Variants in FER observed in about 807,000 individuals in gnomAD.
FER encodes the protein tyrosine-protein kinase Fer.
Under a neutral mutation model 111.0 loss-of-function variants are expected in FER, and 63 were observed. The ratio of observed to expected loss-of-function variants is 0.57; its 90% CI spans 0.46 to 0.70. The LOEUF (loss-of-function observed/expected upper bound fraction) is 0.70. Among genes scored for constraint, FER ranks in the 30% least tolerant of loss-of-function variants. The pLI is 0.00. For synonymous variants in FER, 327 were observed against 313.9 expected, an observed-to-expected ratio of 1.04 and a Z score of -0.44; for missense variants, 914 against 954.0, an observed-to-expected ratio of 0.96 and a Z score of 0.55.
At chr5:109,027,937 A>T (rs1470296794) in intron 13 of FER, among the ~76,000 whole-genome samples, 2 of 152,170 alleles carry the variant, frequency 1.3e-5, no homozygotes, top group Non-Finnish European at 2.9e-5. Context: ...AAGATGTGGG[A>T]TTTACATAGT....
intron 16 of FER, among the ~76,000 whole-genome samples, chr5:109,098,897 G>T (rs958436669): frequency 2.6e-5 from 4 of 151,570 alleles, no homozygotes; most frequent in Admixed American, 6.6e-5. Context: ...AAGAGAAAAG[G>T]TTAGAAAAGA....
At chr5:108,971,107 AATGTTC>A (rs1485296791) in intron 13 of FER, among the ~76,000 whole-genome samples, 3 of 151,920 alleles carry the variant, frequency 2.0e-5, no homozygotes, top group Admixed American at 6.6e-5. Flanking sequence ...GAAAAAAATC[AATGTTC>A]ATTTTACCAT....
At chr5:108,914,069 T>C (rs1217820056) in intron 10 of FER, among the ~76,000 whole-genome samples, 11 of 152,210 alleles carry the variant, frequency 7.2e-5, no homozygotes, top group Non-Finnish European at 1.5e-4. Flanking sequence ...TTGATCTGTG[T>C]TCTGGTTACA....
chr5:108,763,928 A>G (rs1458226457), intron 1 of FER, among the ~76,000 whole-genome samples: 1 of 152,172 alleles, frequency 6.6e-6, no homozygotes, highest in Non-Finnish European at 1.5e-5. Flanking sequence ...ATCATCTTTC[A>G]GTTTAGCAAC....
intron 10 of FER, among the ~76,000 whole-genome samples, chr5:108,909,052 T>G (rs768284295): frequency 4.6e-5 from 7 of 152,180 alleles, no homozygotes; most frequent in Non-Finnish European, 7.4e-5. Flanking sequence ...AAAACAATTA[T>G]GTTTGAAGAT....
chr5:108,845,033 T>A, intron 5 of FER, among the ~76,000 whole-genome samples: 1 of 54,482 alleles, frequency 1.8e-5, no homozygotes, highest in Admixed American at 2.4e-4. Context: ...TATATATATA[T>A]ATATATACAT....
In FER at chr5:109,187,714, A is replaced by G. The variant is rs1759038188; in HGVS notation, c.*139A>G. The G allele has an allele frequency of 9.1e-7, 1 of 1,101,578 alleles. No homozygotes were observed. Among genetic ancestry groups the G allele is most frequent in the South Asian group, 1.5e-5 (1 of 64,712 alleles). The allele number at this position is 1,101,578 out of a possible 1,614,324, so 68.2% of individuals were successfully genotyped here. A position where few individuals can be genotyped will look rare whatever the true frequency, so the allele number is the denominator to read the frequency against. Reference sequence around the variant, plus strand: ...TATTTTTTATTAACTGGGTGTTTTAAAAGTACGTTCCACTTGTAAAAAGTC... The same window carrying G: ...TATTTTTTATTAACTGGGTGTTTTAGAAGTACGTTCCACTTGTAAAAAGTC... On this transcript the variant is annotated 3_prime_UTR_variant, in exon 20 of 20. Transcript: ENST00000281092.
At chr5:109,098,395 A>G (rs1331691150) in intron 16 of FER, among the ~76,000 whole-genome samples, 1 of 151,786 alleles carries the variant, frequency 6.6e-6, no homozygotes, top group Non-Finnish European at 1.5e-5. Flanking sequence ...AAAAAGTATC[A>G]GGATTCTACA....
chr5:108,760,182 G>C (rs1341734306), intron 1 of FER, among the ~76,000 whole-genome samples: 1 of 145,172 alleles, frequency 6.9e-6, no homozygotes, highest in African/African-American at 2.6e-5. Context: ...TTTCTGAGCA[G>C]TAGGTCTGAA....
At chr5:108,821,717 ATTATT>A (rs1758863944) in intron 3 of FER, among the ~76,000 whole-genome samples, 1 of 151,508 alleles carries the variant, frequency 6.6e-6, no homozygotes, top group African/African-American at 2.4e-5. Flanking sequence ...CTATAATATA[ATTATT>A]TTATTTTTTA....
intron 17 of FER, among the ~76,000 whole-genome samples, chr5:109,107,121 C>T (rs1165754479): frequency 6.6e-6 from 1 of 152,120 alleles, no homozygotes; most frequent in Non-Finnish European, 1.5e-5. Flanking sequence ...CTGTGTTACA[C>T]AGATAAGATA....
At chr5:108,956,460 A>C (rs1188926750) in intron 12 of FER, among the ~76,000 whole-genome samples, 5 of 151,652 alleles carry the variant, frequency 3.3e-5, no homozygotes, top group Non-Finnish European at 1.5e-5. Flanking sequence ...ATAAGTATTT[A>C]AATTAGCGTT....
chr5:108,899,517 G>A (rs907049180), intron 10 of FER, among the ~76,000 whole-genome samples: 1 of 152,054 alleles, frequency 6.6e-6, no homozygotes, highest in African/African-American at 2.4e-5. Context: ...TTAAAGGCTT[G>A]GCTGGGCGCG....
intron 3 of FER, among the ~76,000 whole-genome samples, chr5:108,821,512 A>ACACAAATATGGTAGTGGTAGT (rs1482033386): frequency 3.3e-5 from 5 of 152,166 alleles, no homozygotes; most frequent in African/African-American, 1.2e-4. Flanking sequence ...CCCAAGGCTG[A>ACACAAATATGGTAGTGGTAGT]CACAAATATG....
intron 13 of FER, among the ~76,000 whole-genome samples, chr5:109,013,105 T>G (rs1206895152): frequency 2.0e-5 from 3 of 151,716 alleles, no homozygotes; most frequent in African/African-American, 7.3e-5. Flanking sequence ...ATACTTTAAG[T>G]TTTAGGGTAC....
At chr5:108,904,594 T>C (rs887731578) in intron 10 of FER, among the ~76,000 whole-genome samples, 5 of 152,294 alleles carry the variant, frequency 3.3e-5, no homozygotes, top group Non-Finnish European at 7.4e-5. Flanking sequence ...TTAGAAATCA[T>C]TGAGCGTTCT....
At chr5:109,044,635 C>T (rs748770422) in intron 14 of FER, 45 bp from the exon 15 acceptor site, 31 of 979,646 alleles carry the variant, frequency 3.2e-5, no homozygotes, top group African/African-American at 6.6e-5. Context: ...CAAAGATATA[C>T]ATGCTGTCAT....
At chr5:108,875,109 A>G (rs1264481621) in intron 8 of FER, among the ~76,000 whole-genome samples, 1 of 152,166 alleles carries the variant, frequency 6.6e-6, no homozygotes, top group African/African-American at 2.4e-5. Flanking sequence ...TTATTTATCT[A>G]TCAGCCATAT....
rs1759161173 is a variant in FER, at chr5:109,188,883, T to C, written c.*1308T>C. On this transcript the variant is annotated 3_prime_UTR_variant, in exon 20 of 20. Transcript: ENST00000281092. The stretch of plus-strand genomic sequence containing the variant: ...TAGAGCTGTCAGAATTTCATGATTC[T>C]AGTTCACCAACACATTCACGTGTGT... The C allele has an allele frequency of 6.6e-6, 1 of 152,084 alleles. No individual in the cohort carries two copies. Among genetic ancestry groups the C allele is most frequent in the Non-Finnish European group, 1.5e-5 (1 of 68,026 alleles). The allele number at this position is 152,084 out of a possible 1,614,324, so 9.4% of individuals were successfully genotyped here.
Sources: allele counts gnomAD v4.1 joint callset (sites outside exome capture counted in the v4.1 genomes callset), GRCh38; gene constraint gnomAD v4.1.1; transcripts MANE v1.5; gene names NCBI Gene and HGNC (gene_info 2026-07-23, HGNC 2026-07-21).